The following HSD17B12 variants were observed in gnomAD, a reference collection of about 807,000 sequenced individuals.
HSD17B12 encodes hydroxysteroid 17-beta dehydrogenase 12, also known as very-long-chain 3-oxoacyl-CoA reductase.
HSD17B12 carries 32 observed loss-of-function variants against 39.3 expected under a neutral mutation model. That is an observed-to-expected ratio of 0.81 (90% CI 0.61 to 1.09). HSD17B12 has a LOEUF of 1.09. Ranked by LOEUF, HSD17B12 falls within the 50% of genes least tolerant of loss-of-function variation. The probability of loss-of-function intolerance (pLI) is 0.00; values close to 1 mark genes in which losing one functional copy is unlikely to be tolerated. For synonymous variants in HSD17B12, 150 were observed against 146.7 expected (o/e 1.02, Z -0.16); for missense variants, 342 against 382.9 (o/e 0.89, Z 0.89).
At chr11:43,605,863 T>C in the HSD17B12 span, among the ~76,000 whole-genome samples, 5 of 152,238 alleles carry the variant, frequency 3.3e-5, no homozygotes, top group African/African-American at 1.2e-4. Context: ...CGGGCATGTG[T>C]TCTTTTGGGA....
intron 3 of HSD17B12, among the ~76,000 whole-genome samples, chr11:43,779,175 C>G (rs1237947905): frequency 6.6e-6 from 1 of 152,074 alleles, no homozygotes; most frequent in Non-Finnish European, 1.5e-5. Context: ...CATCTAGTTT[C>G]AAATATGTGG....
intron 1 of HSD17B12, among the ~76,000 whole-genome samples, chr11:43,712,156 C>T (rs989514559): frequency 6.6e-6 from 1 of 152,060 alleles, no homozygotes; most frequent in Non-Finnish European, 1.5e-5. Flanking sequence ...CAGCCTGGCG[C>T]AGTGGCTCAT....
intron 3 of HSD17B12, among the ~76,000 whole-genome samples, chr11:43,770,780 G>C (rs1202784675): frequency 6.6e-6 from 1 of 152,112 alleles, no homozygotes; most frequent in African/African-American, 2.4e-5. Flanking sequence ...ATCCTTTAAG[G>C]CCTCTTAGCC....
chr11:43,826,081 C>CT (rs71481435), intron 6 of HSD17B12, among the ~76,000 whole-genome samples: 3,962 of 75,204 alleles, frequency 0.053, 170 homozygotes, highest in African/African-American at 0.12. Context: ...CTTTTTTTTT[C>CT]TTTTTTTTTT....
At chr11:43,709,827 C>T (rs1173510540) in intron 1 of HSD17B12, among the ~76,000 whole-genome samples, 1 of 152,120 alleles carries the variant, frequency 6.6e-6, no homozygotes, top group African/African-American at 2.4e-5. Flanking sequence ...GTGGCTTGGC[C>T]TGAACTTGAT....
chr11:43,775,924 C>A (rs10838164), intron 3 of HSD17B12, among the ~76,000 whole-genome samples: 1 of 151,518 alleles, frequency 6.6e-6, no homozygotes. Context: ...CATGTCCCTA[C>A]GAAGGACATG....
chr11:43,669,889 G>A, the HSD17B12 span, among the ~76,000 whole-genome samples: 1 of 152,138 alleles, frequency 6.6e-6, no homozygotes, highest in African/African-American at 2.4e-5. Flanking sequence ...ATATCTTTTA[G>A]GGAGATACAC....
At chr11:43,620,815 T>A in the HSD17B12 span, among the ~76,000 whole-genome samples, 1 of 152,214 alleles carries the variant, frequency 6.6e-6, no homozygotes, top group Non-Finnish European at 1.5e-5. Context: ...TGAGCTGCAC[T>A]GGTTTGCTAA....
At chr11:43,576,418 A>G in the HSD17B12 span, among the ~76,000 whole-genome samples, 1 of 152,208 alleles carries the variant, frequency 6.6e-6, no homozygotes, top group Admixed American at 6.5e-5. Context: ...TGTTCCAGAA[A>G]TAAACCGAGG....
chr11:43,597,925 G>A, the HSD17B12 span, among the ~76,000 whole-genome samples: 5 of 152,078 alleles, frequency 3.3e-5, no homozygotes, highest in Non-Finnish European at 5.9e-5. Context: ...ATCAGCCACC[G>A]CGCCCAGCCC....
the HSD17B12 span, among the ~76,000 whole-genome samples, chr11:43,628,040 T>C: frequency 6.6e-6 from 1 of 151,920 alleles, no homozygotes; most frequent in Non-Finnish European, 1.5e-5. Context: ...CTTTTCTTTT[T>C]TCTTTTTTTC....
At chr11:43,600,003 TC>T in the HSD17B12 span, among the ~76,000 whole-genome samples, 1 of 152,188 alleles carries the variant, frequency 6.6e-6, no homozygotes, top group Non-Finnish European at 1.5e-5. Flanking sequence ...CCTGGGTTAT[TC>T]AGTGTTCGGC....
intron 1 of HSD17B12, among the ~76,000 whole-genome samples, chr11:43,693,751 T>C (rs1949885048): frequency 6.6e-6 from 1 of 152,234 alleles, no homozygotes; most frequent in Non-Finnish European, 1.5e-5. Context: ...CTTCTTCAGA[T>C]TGATTTTACT....
intron 1 of HSD17B12, among the ~76,000 whole-genome samples, chr11:43,682,969 T>C (rs1949764088): frequency 1.3e-5 from 2 of 152,074 alleles, no homozygotes; most frequent in South Asian, 4.1e-4. Context: ...TTTTTTTGTT[T>C]TTTGTAGAGA....
chr11:43,812,507 G>C (rs550494909), intron 4 of HSD17B12, among the ~76,000 whole-genome samples: 118 of 152,242 alleles, frequency 7.8e-4, no homozygotes, highest in Middle Eastern at 3.4e-3. Context: ...CTGGCCATTT[G>C]TATGTCTTCT....
intron 9 of HSD17B12, chr11:43,853,033 A>G (rs576163496): frequency 6.6e-6 from 1 of 152,332 alleles, no homozygotes; most frequent in Admixed American, 6.5e-5. Flanking sequence ...TGCAAAGCAC[A>G]CACGTACATA....
chr11:43,615,872 G>A, the HSD17B12 span, among the ~76,000 whole-genome samples: 1 of 152,050 alleles, frequency 6.6e-6, no homozygotes, highest in Non-Finnish European at 1.5e-5. Context: ...TCTGAAAAGG[G>A]GTGTGAAGTT....
At chr11:43,806,399 C>T (rs1279862483) in intron 4 of HSD17B12, 1 of 152,064 alleles carries the variant, frequency 6.6e-6, no homozygotes, top group Non-Finnish European at 1.5e-5. Context: ...ATGTTTATTG[C>T]AGCACTATTC....
chr11:43,718,847 C>G (rs1459756305), intron 1 of HSD17B12: 5 of 866,598 alleles, frequency 5.8e-6, no homozygotes, highest in Non-Finnish European at 9.8e-6. Flanking sequence ...CCGGAAGCAG[C>G]CCAAATATCC....
Sources: allele counts gnomAD v4.1 joint callset (sites outside exome capture counted in the v4.1 genomes callset), GRCh38; gene constraint gnomAD v4.1.1; transcripts MANE v1.5; gene names NCBI Gene and HGNC (gene_info 2026-07-23, HGNC 2026-07-21).